The following NME7 variants were observed in gnomAD, a reference collection of about 807,000 sequenced individuals.
NME7 encodes the protein NME/NM23 family member 7.
NME7 carries 41 observed loss-of-function variants against 49.1 expected under a neutral mutation model. That is an observed-to-expected ratio of 0.83 (90% CI 0.65 to 1.08). NME7 has a LOEUF of 1.08. Among genes scored for constraint, NME7 ranks in the 50% least tolerant of loss-of-function variants. The probability of loss-of-function intolerance (pLI) is 0.00; values close to 1 mark genes in which losing one functional copy is unlikely to be tolerated. For missense variants in NME7, 423 were observed against 463.4 expected (o/e 0.91, Z 0.80); for synonymous variants, 139 against 150.6 (o/e 0.92, Z 0.56).
In NME7 at chr1:169,287,049, A is replaced by T. The variant is rs534367341; in HGVS notation, c.754+254T>A. On this transcript the variant is annotated intron_variant, in intron 7 of 11. Transcript: ENST00000367811. ...GCAGACTAAAAGTCAATTAGCCAAG[A>T]TCTGTAACAGTATGACTGAGCCTGA... 4 of 368,566 alleles carry T rather than the reference A, an allele frequency of 1.1e-5. No individual in the cohort carries two copies. In the South Asian group the frequency reaches 2.6e-4, roughly 24 times the overall value. 22.8% of individuals were successfully genotyped at this position (368,566 alleles called of 1,614,324 possible). A position where few individuals can be genotyped will look rare whatever the true frequency, so the allele number is the denominator to read the frequency against.
intron 11 of NME7, among the ~76,000 whole-genome samples, chr1:169,157,574 C>CA (rs34492487): frequency 6.6e-6 from 1 of 152,214 alleles, no homozygotes; most frequent in Non-Finnish European, 1.5e-5. Flanking sequence ...GACTTCCCCC[C>CA]AAAAAATCTG....
intron 1 of NME7, among the ~76,000 whole-genome samples, chr1:169,326,913 C>T (rs1173686292): frequency 2.0e-5 from 3 of 152,170 alleles, no homozygotes; most frequent in Non-Finnish European, 2.9e-5. Context: ...CTTTGTTGAG[C>T]CAAATCTAGA....
At chr1:169,167,465 C>A (rs1411059884) in intron 11 of NME7, among the ~76,000 whole-genome samples, 1 of 151,680 alleles carries the variant, frequency 6.6e-6, no homozygotes, top group Admixed American at 6.6e-5. Context: ...TTTATTATTT[C>A]TTTTTAAATT....
chr1:169,273,278 C>T (rs1226426924), intron 7 of NME7, among the ~76,000 whole-genome samples: 1 of 128,600 alleles, frequency 7.8e-6, no homozygotes, highest in Non-Finnish European at 1.8e-5. Flanking sequence ...TTTCATTGTT[C>T]AACTCAGACT....
At chr1:169,337,172 T>C (rs1571400479) in intron 1 of NME7, among the ~76,000 whole-genome samples, 1 of 152,026 alleles carries the variant, frequency 6.6e-6, no homozygotes. Context: ...ACCCACGGAG[T>C]GGGTGGGAGG....
chr1:169,333,273 G>A (rs1022859236), intron 1 of NME7, among the ~76,000 whole-genome samples: 3 of 152,126 alleles, frequency 2.0e-5, no homozygotes, highest in Non-Finnish European at 4.4e-5. Flanking sequence ...TTGAACTCAT[G>A]GACATGGAGA....
chr1:169,211,334 A>T (rs552815517), intron 10 of NME7, among the ~76,000 whole-genome samples: 8 of 152,274 alleles, frequency 5.3e-5, no homozygotes, highest in African/African-American at 1.9e-4. Flanking sequence ...CATACCTAGG[A>T]GGCTGAGATA....
intron 9 of NME7, among the ~76,000 whole-genome samples, chr1:169,231,836 A>G (rs541589819): frequency 1.2e-4 from 19 of 152,300 alleles, no homozygotes; most frequent in African/African-American, 4.6e-4. Context: ...GCAAGACTCA[A>G]AAGTTTCAAA....
At chr1:169,299,212 A>G (rs1400555156) in intron 5 of NME7, among the ~76,000 whole-genome samples, 1 of 152,158 alleles carries the variant, frequency 6.6e-6, no homozygotes, top group Admixed American at 6.5e-5. Context: ...TAAAACTATT[A>G]GAATTCAAAG....
chr1:169,277,186 G>T (rs1228617213), intron 7 of NME7, among the ~76,000 whole-genome samples: 2 of 149,618 alleles, frequency 1.3e-5, no homozygotes, highest in African/African-American at 4.9e-5. Context: ...GGAGAGTTCT[G>T]TAGATGTCTA....
intron 10 of NME7, among the ~76,000 whole-genome samples, chr1:169,214,714 A>G (rs1660927102): frequency 6.6e-6 from 1 of 152,224 alleles, no homozygotes; most frequent in Non-Finnish European, 1.5e-5. Flanking sequence ...TCAGCCTGCC[A>G]TGCTCAATGC....
At chr1:169,328,522 C>A (rs1652146383) in intron 1 of NME7, among the ~76,000 whole-genome samples, 1 of 151,804 alleles carries the variant, frequency 6.6e-6, no homozygotes, top group South Asian at 2.1e-4. Flanking sequence ...GCAACTAACC[C>A]TAGGTAAATA....
intron 10 of NME7, among the ~76,000 whole-genome samples, chr1:169,207,636 C>A (rs1660709396): frequency 6.6e-6 from 1 of 152,052 alleles, no homozygotes; most frequent in Non-Finnish European, 1.5e-5. Flanking sequence ...CACCTTATAA[C>A]TAGAAAATAG....
chr1:169,279,301 C>G (rs1426596673), intron 7 of NME7, among the ~76,000 whole-genome samples: 2 of 152,352 alleles, frequency 1.3e-5, no homozygotes, highest in East Asian at 3.9e-4. Flanking sequence ...GTGGAGCCTA[C>G]AGAGGCAGGC....
At chr1:169,153,872 T>A (rs556702995) in intron 11 of NME7, among the ~76,000 whole-genome samples, 13 of 152,014 alleles carry the variant, frequency 8.6e-5, no homozygotes, top group South Asian at 4.2e-4. Flanking sequence ...CTAATTTTTT[T>A]TTTTTTTTTA....
chr1:169,162,599 G>A (rs1343352958), intron 11 of NME7, among the ~76,000 whole-genome samples: 1 of 152,018 alleles, frequency 6.6e-6, no homozygotes, highest in East Asian at 1.9e-4. Flanking sequence ...ATCCCAAAAC[G>A]GTGGGAGGCT....
intron 10 of NME7, among the ~76,000 whole-genome samples, chr1:169,192,208 G>T (rs1280933646): frequency 6.6e-6 from 1 of 152,104 alleles, no homozygotes; most frequent in Non-Finnish European, 1.5e-5. Flanking sequence ...CGGCATAGGA[G>T]TTTGAAGGAA....
chr1:169,319,079 TAATTAAAATTA>T (rs1230494828), intron 3 of NME7, among the ~76,000 whole-genome samples: 2 of 151,758 alleles, frequency 1.3e-5, no homozygotes, highest in African/African-American at 4.8e-5. Context: ...AATTTAATTT[TAATTAAAATTA>T]AAATGTCTTT....
At position 169,274,013 on chromosome 1, in the gene NME7, T is replaced by C. The variant is rs533155917; in HGVS notation, c.754+13290A>G. Among the ~76,000 whole-genome samples the C allele has an allele frequency of 2.3e-3, 304 of 132,068 alleles. 35 individuals are homozygous for C. The highest frequency in any genetic ancestry group is 7.4e-3 in the African/African-American group (289 of 39,098). The allele number at this position is 132,068 out of a possible 152,430, so 86.6% of individuals were successfully genotyped here. On this transcript the variant is annotated intron_variant, in intron 7 of 11. Coordinates refer to ENST00000367811, the MANE Select transcript of NME7 (RefSeq NM_013330.5). ...GGATTGCTGGGTCAAATGGTATTTC[T>C]AGTTCTAGATCCCTGAGGAATCGCC...
Sources: allele counts gnomAD v4.1 joint callset (sites outside exome capture counted in the v4.1 genomes callset), GRCh38; gene constraint gnomAD v4.1.1; transcripts MANE v1.5; gene names NCBI Gene and HGNC (gene_info 2026-07-23, HGNC 2026-07-21).